The following KIAA0319L variants were observed in gnomAD, a reference collection of about 807,000 sequenced individuals.
KIAA0319L encodes KIAA0319 like, also known as dyslexia-associated protein KIAA0319-like protein.
A neutral mutation model predicts 120.1 loss-of-function variants in KIAA0319L; 55 were observed. The ratio of observed to expected loss-of-function variants is 0.46; its 90% CI spans 0.37 to 0.57. The LOEUF is 0.57. Ranked by LOEUF, KIAA0319L falls within the 20% of genes least tolerant of loss-of-function variation. The pLI is 0.00. For synonymous variants in KIAA0319L, 398 were observed against 471.9 expected (o/e 0.84, Z 2.03); for missense variants, 1,049 against 1,255.3 (o/e 0.84, Z 2.48).
intron 2 of KIAA0319L, among the ~76,000 whole-genome samples, chr1:35,518,027 C>T (rs1233363431): frequency 6.6e-6 from 1 of 152,176 alleles, no homozygotes; most frequent in Non-Finnish European, 1.5e-5. Flanking sequence ...GATACTATCT[C>T]ATACCAGTCA....
chr1:35,472,195 C>T (rs1258830588), intron 5 of KIAA0319L, among the ~76,000 whole-genome samples: 5 of 152,288 alleles, frequency 3.3e-5, no homozygotes, highest in Middle Eastern at 3.4e-3. Flanking sequence ...AATTATGCCT[C>T]GCAGGCAGAA....
chr1:35,516,623 C>T (rs1282796346), intron 2 of KIAA0319L, among the ~76,000 whole-genome samples: 2 of 152,184 alleles, frequency 1.3e-5, no homozygotes, highest in Non-Finnish European at 2.9e-5. Context: ...AAGCTGGAAG[C>T]ATTCCCTTCG....
chr1:35,491,929 A>C (rs1056412297), intron 3 of KIAA0319L, among the ~76,000 whole-genome samples: 1 of 152,242 alleles, frequency 6.6e-6, no homozygotes, highest in African/African-American at 2.4e-5. Context: ...GAAAGACACA[A>C]TCTGCCAAAA....
Position 35,474,904 on chromosome 1 carries a change from T to C in KIAA0319L, c.916A>G (p.Ile306Val), listed in dbSNP as rs769619947. ...CCAGCAGATACCACCAGTTCCTTTATAACTGGAAACAAAGTAAATATACCA... is the reference window on the plus strand; with the variant it reads ...CCAGCAGATACCACCAGTTCCTTTACAACTGGAAACAAAGTAAATATACCA... ...FQSTSAPYPV[I>V]KELVVSAGES... Residue 306 changes from isoleucine to valine, a missense_variant and splice_region_variant, in exon 5 of 21, where the codon ATA (isoleucine) becomes GTA (valine). Ile to Val is a conservative substitution (Grantham distance 29). Transcript: ENST00000325722. 10 of 1,553,516 alleles carry C rather than the reference T, an allele frequency of 6.4e-6. No homozygotes were observed. Among genetic ancestry groups the C allele is most frequent in the Non-Finnish European group, 8.9e-6 (10 of 1,127,320 alleles).
intron 11 of KIAA0319L, chr1:35,454,123 G>A (rs927681405): frequency 4.1e-6 from 2 of 491,658 alleles, no homozygotes; most frequent in South Asian, 8.0e-5. Flanking sequence ...TATTTCCTAG[G>A]TCTCTTTGAA....
Position 35,453,537 on chromosome 1 carries a change from G to A in KIAA0319L, c.1913+20C>T. On this transcript the variant is annotated intron_variant, in intron 12 of 20. Transcript: ENST00000325722. This position sits in a 1 kb window ranked among gnomAD's most constrained non-coding sequence, Gnocchi z 4.1. ...GGTCTGGAGGCTTTGCAAAAATAAG[G>A]ATTTTGTGTCAATACTCACTGTGTT... The A allele has an allele frequency of 6.2e-7, 1 of 1,613,356 alleles. No homozygotes were observed. Among genetic ancestry groups the A allele is most frequent in the Non-Finnish European group, 8.5e-7 (1 of 1,179,470 alleles).
At chr1:35,512,892 A>T (rs1057245906) in intron 2 of KIAA0319L, among the ~76,000 whole-genome samples, 52 of 150,118 alleles carry the variant, frequency 3.5e-4, no homozygotes, top group Non-Finnish European at 6.8e-4. Flanking sequence ...AAAAAAAAAA[A>T]GAATGAAAGA....
chr1:35,540,273 C>T (rs930833435), intron 2 of KIAA0319L, among the ~76,000 whole-genome samples: 1 of 152,212 alleles, frequency 6.6e-6, no homozygotes, highest in Admixed American at 6.5e-5. Flanking sequence ...AATTCTTTCT[C>T]TTCTTAGGGC....
At position 35,506,475 on chromosome 1, in the gene KIAA0319L, G is replaced by A. The variant is rs911561906; in HGVS notation, c.666+137C>T. Reference sequence around the variant, plus strand: ...TGTACATCTGGGCAGCACCAAAGAAGCTGACACCAAGCAGCTTTATATATA... The same window carrying A: ...TGTACATCTGGGCAGCACCAAAGAAACTGACACCAAGCAGCTTTATATATA... On this transcript the variant is annotated intron_variant, in intron 3 of 20. Transcript: ENST00000325722. The surrounding 1 kb of genome is among the most constrained non-coding windows in gnomAD (Gnocchi z 4.0). 1.5e-5 allele frequency: 12 copies of A among 791,372 alleles called. No individual in the cohort carries two copies. The highest frequency in any genetic ancestry group is 2.2e-5 in the Non-Finnish European group (11 of 493,376). The allele number at this position is 791,372 out of a possible 1,614,324, so 49.0% of individuals were successfully genotyped here. A position where few individuals can be genotyped will look rare whatever the true frequency, so the allele number is the denominator to read the frequency against.
At chr1:35,478,479 T>C (rs568814514) in intron 4 of KIAA0319L, among the ~76,000 whole-genome samples, 2 of 152,230 alleles carry the variant, frequency 1.3e-5, no homozygotes, top group Non-Finnish European at 2.9e-5. Context: ...TTTTACATGA[T>C]GTGATTATTA....
intron 6 of KIAA0319L, 122 bp downstream of exon 6, chr1:35,470,741 G>C (rs1046932901): frequency 3.0e-6 from 2 of 664,092 alleles, no homozygotes; most frequent in African/African-American, 3.6e-5. Context: ...CAGATTTTTG[G>C]AGGATTCATT....
chr1:35,546,995 T>C (rs2148506095), intron 2 of KIAA0319L, among the ~76,000 whole-genome samples: 2 of 147,656 alleles, frequency 1.4e-5, no homozygotes, highest in East Asian at 3.9e-4. Context: ...AAATTTTATA[T>C]ATAAATTTAT....
At chr1:35,557,474 C>G, upstream of KIAA0319L, 2 of 354,252 alleles carry the variant, frequency 5.6e-6, no homozygotes, top group Non-Finnish European at 1.1e-5. Flanking sequence ...CCTCCCGCCC[C>G]TCCCCCGGGA....
intron 2 of KIAA0319L, among the ~76,000 whole-genome samples, chr1:35,525,669 C>T (rs1258491012): frequency 6.6e-6 from 1 of 152,078 alleles, no homozygotes; most frequent in Non-Finnish European, 1.5e-5. Flanking sequence ...CCTTTGCCCA[C>T]TTTTTAATGG....
intron 3 of KIAA0319L, among the ~76,000 whole-genome samples, chr1:35,490,966 T>A (rs1168304968): frequency 6.6e-6 from 1 of 152,226 alleles, no homozygotes; most frequent in African/African-American, 2.4e-5. Flanking sequence ...ACCATGATTG[T>A]AAGTTTCCTG....
intron 17 of KIAA0319L, 123 bp downstream of exon 17, chr1:35,444,038 C>G (rs1641427905): frequency 1.2e-6 from 1 of 843,320 alleles, no homozygotes; most frequent in Non-Finnish European, 1.8e-6. Flanking sequence ...AATAGTAGTG[C>G]AAGAGAATGA....
intron 17 of KIAA0319L, chr1:35,443,295 C>T (rs1024317723): frequency 1.2e-5 from 5 of 414,066 alleles, no homozygotes; most frequent in African/African-American, 4.0e-5. Flanking sequence ...ATGTCCCACA[C>T]ATCCCCTTCT....
intron 3 of KIAA0319L, among the ~76,000 whole-genome samples, chr1:35,481,759 C>T (rs955732575): frequency 1.3e-5 from 2 of 150,670 alleles, no homozygotes; most frequent in Admixed American, 6.6e-5. Context: ...AAAGATTCCT[C>T]ATGCTCCTTT....
At chr1:35,523,986 A>G (rs969239078) in intron 2 of KIAA0319L, among the ~76,000 whole-genome samples, 2 of 152,214 alleles carry the variant, frequency 1.3e-5, no homozygotes, top group East Asian at 1.9e-4. Flanking sequence ...CTGACAAATC[A>G]TAATGGTTAA....
Sources: gnomAD v4.1 joint callset for allele counts (sites outside exome capture counted in the v4.1 genomes callset) on GRCh38, gnomAD v4.1.1 for gene constraint, Gnocchi (gnomAD v3.1) non-coding constraint, MANE v1.5 for transcripts, NCBI Gene and HGNC (gene_info 2026-07-23, HGNC 2026-07-21) for gene names.